The following GPC5 variants were observed in gnomAD, a reference collection of about 807,000 sequenced individuals.
GPC5 encodes the protein glypican 5.
A neutral mutation model predicts 53.9 loss-of-function variants in GPC5; 47 were observed. The ratio of observed to expected loss-of-function variants is 0.87; its 90% CI spans 0.69 to 1.11. GPC5 has a LOEUF of 1.11. Ranked by LOEUF, GPC5 falls within the 50% of genes most tolerant of loss-of-function variation. The pLI is 0.00. For missense variants in GPC5, 748 were observed against 713.1 expected, an observed-to-expected ratio of 1.05 and a Z score of -0.56; for synonymous variants, 286 against 263.3, an observed-to-expected ratio of 1.09 and a Z score of -0.84.
chr13:92,771,612 G>C (rs1005996287), intron 7 of GPC5, among the ~76,000 whole-genome samples: 3 of 152,020 alleles, frequency 2.0e-5, no homozygotes, highest in Admixed American at 6.6e-5. Flanking sequence ...CAAAGTGCTG[G>C]GATTACAGGT....
intron 2 of GPC5, among the ~76,000 whole-genome samples, chr13:91,641,871 T>C (rs2034439443): frequency 6.6e-6 from 1 of 152,322 alleles, no homozygotes; most frequent in South Asian, 2.1e-4. Context: ...TGGATCCCAT[T>C]GAAGAGAGCT....
chr13:91,471,120 A>G (rs1882597401), intron 2 of GPC5, among the ~76,000 whole-genome samples: 1 of 152,160 alleles, frequency 6.6e-6, no homozygotes, highest in Non-Finnish European at 1.5e-5. Flanking sequence ...GTGTTGTGTA[A>G]GACTCCATTC....
chr13:92,674,351 A>G (rs1236079552), intron 7 of GPC5, among the ~76,000 whole-genome samples: 1 of 152,126 alleles, frequency 6.6e-6, no homozygotes, highest in Non-Finnish European at 1.5e-5. Context: ...TGGTGTTTCA[A>G]GTGTGCTTAA....
intron 2 of GPC5, among the ~76,000 whole-genome samples, chr13:91,682,001 C>T (rs1404189038): frequency 6.6e-6 from 1 of 151,926 alleles, no homozygotes; most frequent in African/African-American, 2.4e-5. Flanking sequence ...TATAGGGTGT[C>T]AGACTATTTA....
At chr13:91,944,731 C>A (rs2039959386) in intron 6 of GPC5, among the ~76,000 whole-genome samples, 1 of 152,198 alleles carries the variant, frequency 6.6e-6, no homozygotes, top group African/African-American at 2.4e-5. Context: ...GTTGACTGAA[C>A]TTTCTCCTGT....
At chr13:92,636,303 G>A (rs952905974) in intron 7 of GPC5, among the ~76,000 whole-genome samples, 1 of 151,794 alleles carries the variant, frequency 6.6e-6, no homozygotes, top group African/African-American at 2.4e-5. Context: ...TCTCCTTGAT[G>A]GTGAAGAGGT....
intron 7 of GPC5, among the ~76,000 whole-genome samples, chr13:92,434,104 A>G (rs1055162417): frequency 2.0e-5 from 3 of 152,214 alleles, no homozygotes; most frequent in African/African-American, 7.2e-5. Flanking sequence ...GGCAAGGAAC[A>G]TAGACCTTGC....
At chr13:92,550,674 C>T (rs1325984803) in intron 7 of GPC5, among the ~76,000 whole-genome samples, 2 of 151,820 alleles carry the variant, frequency 1.3e-5, no homozygotes, top group Admixed American at 6.6e-5. Context: ...TTTGTCAAAA[C>T]TCAGTAAAGG....
intron 2 of GPC5, among the ~76,000 whole-genome samples, chr13:91,526,362 G>T (rs1886086970): frequency 6.6e-6 from 1 of 152,276 alleles, no homozygotes; most frequent in Non-Finnish European, 1.5e-5. Flanking sequence ...TGGTAGGGAA[G>T]GGTGATGAGA....
intron 7 of GPC5, among the ~76,000 whole-genome samples, chr13:92,393,503 G>A (rs1160504999): frequency 6.6e-6 from 1 of 152,100 alleles, no homozygotes; most frequent in Non-Finnish European, 1.5e-5. Context: ...TTCAAAATTA[G>A]CTGGGCATGG....
In GPC5 at chr13:91,458,294, G is replaced by A. The variant is rs186587389; in HGVS notation, c.325+9372G>A. Among the ~76,000 whole-genome samples, 18 of 152,094 alleles carry A rather than the reference G, an allele frequency of 1.2e-4. No individual in the cohort carries two copies. The East Asian group carries it at 3.3e-3, about 28-fold the overall frequency. On this transcript the variant is annotated intron_variant, in intron 2 of 7. Coordinates refer to ENST00000377067, the MANE Select transcript of GPC5 (RefSeq NM_004466.6). ...ATATCACCGAGGCCAGGTCGTCTGG[G>A]GCCTGTTAGGCATTTATTCTGAAAC...
intron 7 of GPC5, among the ~76,000 whole-genome samples, chr13:92,403,864 G>T (rs1020288727): frequency 1.3e-5 from 2 of 152,202 alleles, no homozygotes; most frequent in African/African-American, 4.8e-5. Flanking sequence ...TATTCATAGA[G>T]CTAATAATTT....
chr13:91,723,058 G>A (rs144797718), intron 3 of GPC5, among the ~76,000 whole-genome samples: 188 of 152,068 alleles, frequency 1.2e-3, no homozygotes, highest in African/African-American at 4.3e-3. Context: ...TATGTTTTCC[G>A]TACCTGGCTT....
chr13:92,621,814 G>C (rs1454725959), intron 7 of GPC5, among the ~76,000 whole-genome samples: 1 of 152,064 alleles, frequency 6.6e-6, no homozygotes, highest in Non-Finnish European at 1.5e-5. Context: ...GAAAGACCCT[G>C]TCACTAAATA....
chr13:92,432,539 T>A (rs1284795526), intron 7 of GPC5, among the ~76,000 whole-genome samples: 1 of 146,452 alleles, frequency 6.8e-6, no homozygotes, highest in Non-Finnish European at 1.5e-5. Context: ...CACGCCCGGC[T>A]ATTTTTTTTT....
chr13:92,067,634 G>A (rs2041177710), intron 6 of GPC5, among the ~76,000 whole-genome samples: 1 of 151,896 alleles, frequency 6.6e-6, no homozygotes, highest in Non-Finnish European at 1.5e-5. Context: ...ATAACTCTTG[G>A]ATTTCTAATT....
chr13:91,680,780 C>T (rs949410184), intron 2 of GPC5, among the ~76,000 whole-genome samples: 1 of 152,108 alleles, frequency 6.6e-6, no homozygotes, highest in African/African-American at 2.4e-5. Context: ...AGATGCTGTT[C>T]ACAGATTGAA....
chr13:91,842,673 C>A (rs1390026695), intron 5 of GPC5, among the ~76,000 whole-genome samples: 1 of 123,330 alleles, frequency 8.1e-6, no homozygotes, highest in East Asian at 2.8e-4. Context: ...CTGCACCACT[C>A]CAACCTGGGA....
intron 7 of GPC5, among the ~76,000 whole-genome samples, chr13:92,325,470 C>T (rs944906358): frequency 6.6e-6 from 1 of 152,014 alleles, no homozygotes; most frequent in African/African-American, 2.4e-5. Context: ...AATGAATATA[C>T]AGTACCAGAG....
Sources: gnomAD v4.1 joint callset for allele counts (sites outside exome capture counted in the v4.1 genomes callset) on GRCh38, gnomAD v4.1.1 for gene constraint, MANE v1.5 for transcripts, NCBI Gene and HGNC (gene_info 2026-07-23, HGNC 2026-07-21) for gene names.